CNTLN: variants seen among roughly 807,000 people sequenced by gnomAD.
The protein encoded by CNTLN is centlein, centrosomal protein.
Under a neutral mutation model 180.0 loss-of-function variants are expected in CNTLN, and 212 were observed. That is an observed-to-expected ratio of 1.18 (90% confidence interval 1.05 to 1.32). The LOEUF (loss-of-function observed/expected upper bound fraction) is 1.32, where lower values mean the gene tolerates loss of function less well. Ranked by LOEUF, CNTLN falls within the 40% of genes most tolerant of loss-of-function variation. The probability of loss-of-function intolerance (pLI) is 0.00; values close to 1 mark genes in which losing one functional copy is unlikely to be tolerated. For synonymous variants in CNTLN, 722 were observed against 563.1 expected (o/e 1.28, Z -3.99); for missense variants, 2,095 against 1,610.9 (o/e 1.30, Z -5.14).
chr9:17,306,629 G>A lies in CNTLN; in HGVS notation c.1147-2429G>A, dbSNP rs149618005. Among the ~76,000 whole-genome samples, 284 of 152,264 alleles carry A rather than the reference G, an allele frequency of 1.9e-3. 1 individual carries two copies. The highest frequency in any genetic ancestry group is 6.6e-3 in the African/African-American group (275 of 41,542). On this transcript the variant is annotated intron_variant, in intron 7 of 25. Coordinates refer to ENST00000380647, the MANE Select transcript of CNTLN (RefSeq NM_017738.4). ...ACTAGTGGCCAGTAAATTGGTCCTCGATCCTGACCATACCCTAGCATCATG... is the reference window on the plus strand; with the variant it reads ...ACTAGTGGCCAGTAAATTGGTCCTCAATCCTGACCATACCCTAGCATCATG...
chr9:17,222,541 C>G (rs80131437), intron 2 of CNTLN, among the ~76,000 whole-genome samples: 1 of 151,948 alleles, frequency 6.6e-6, no homozygotes, highest in African/African-American at 2.4e-5. Flanking sequence ...TTGCATCTTC[C>G]TCATTTTCTC....
chr9:17,382,585 T>G (rs113571037), intron 13 of CNTLN, among the ~76,000 whole-genome samples: 12 of 152,370 alleles, frequency 7.9e-5, no homozygotes, highest in African/African-American at 2.9e-4. Flanking sequence ...GCACAGTCAT[T>G]AATCTGTTGA....
intron 2 of CNTLN, among the ~76,000 whole-genome samples, chr9:17,154,707 G>A (rs1703409010): frequency 6.6e-6 from 1 of 152,158 alleles, no homozygotes; most frequent in African/African-American, 2.4e-5. Context: ...CTAAAGGTTT[G>A]TAAATGCACC....
chr9:17,388,942 G>T (rs569066048), intron 14 of CNTLN, among the ~76,000 whole-genome samples: 2 of 151,832 alleles, frequency 1.3e-5, no homozygotes, highest in African/African-American at 2.4e-5. Context: ...TTAACACTTT[G>T]TTATAAAGAA....
At chr9:17,273,623 A>G (rs1404795184) in intron 5 of CNTLN, 110 bp from the exon 6 acceptor site, 6 of 561,866 alleles carry the variant, frequency 1.1e-5, no homozygotes, top group South Asian at 6.3e-5. Context: ...AAGTGAAAAA[A>G]TTAAAACTAT....
At chr9:17,359,339 A>C (rs927557319) in intron 12 of CNTLN, among the ~76,000 whole-genome samples, 4 of 152,078 alleles carry the variant, frequency 2.6e-5, no homozygotes, top group African/African-American at 9.7e-5. Flanking sequence ...ACCAGGCATA[A>C]AAAGCACTAA....
the CNTLN span, among the ~76,000 whole-genome samples, chr9:17,519,244 G>GTTTT: frequency 7.7e-5 from 11 of 143,522 alleles, no homozygotes; most frequent in African/African-American, 1.8e-4. Flanking sequence ...AGATTTGAGT[G>GTTTT]TTTTTTTTTT....
chr9:17,165,404 T>C (rs1819999563), intron 2 of CNTLN, among the ~76,000 whole-genome samples: 1 of 152,164 alleles, frequency 6.6e-6, no homozygotes, highest in African/African-American at 2.4e-5. Flanking sequence ...TGACAGATGT[T>C]AGTAAATTCT....
At chr9:17,361,537 A>G (rs1375345398) in intron 12 of CNTLN, among the ~76,000 whole-genome samples, 1 of 152,240 alleles carries the variant, frequency 6.6e-6, no homozygotes, top group Non-Finnish European at 1.5e-5. Flanking sequence ...ATGCAAAAAA[A>G]GAAATAAAGA....
rs578136500 is a variant in CNTLN, at chr9:17,217,491, C to G, written c.450-8712C>G. On this transcript the variant is annotated intron_variant, in intron 2 of 25. Coordinates refer to ENST00000380647, the MANE Select transcript of CNTLN (RefSeq NM_017738.4). ...GTGTTGTACCAACTGGATGGCTGCT[C>G]AGGACACAGTTTGAAATGCAAGGTG... is the stretch of plus-strand genomic sequence containing the variant. Among the ~76,000 whole-genome samples, 4 of 152,336 alleles carry G rather than the reference C, an allele frequency of 2.6e-5. No homozygotes were observed. In the South Asian group the frequency reaches 8.3e-4, roughly 32 times the overall value.
At chr9:17,360,204 A>G (rs1823256510) in intron 12 of CNTLN, among the ~76,000 whole-genome samples, 1 of 152,228 alleles carries the variant, frequency 6.6e-6, no homozygotes, top group Non-Finnish European at 1.5e-5. Flanking sequence ...ACTGTTTAGA[A>G]GCATTATAGA....
At chr9:17,390,579 T>A (rs544190190) in intron 14 of CNTLN, among the ~76,000 whole-genome samples, 214 of 152,284 alleles carry the variant, frequency 1.4e-3, no homozygotes, top group African/African-American at 4.9e-3. Context: ...TTATTTTAAA[T>A]GTTCAGAACT....
At chr9:17,373,078 A>G (rs1183418219) in intron 13 of CNTLN, among the ~76,000 whole-genome samples, 1 of 152,176 alleles carries the variant, frequency 6.6e-6, no homozygotes, top group Non-Finnish European at 1.5e-5. Flanking sequence ...GAACGTGACC[A>G]TGATGCCTAC....
At chr9:17,248,295 C>A (rs1825924990) in intron 5 of CNTLN, among the ~76,000 whole-genome samples, 1 of 151,860 alleles carries the variant, frequency 6.6e-6, no homozygotes, top group Non-Finnish European at 1.5e-5. Flanking sequence ...GTTGTTATAA[C>A]AGTTTTAGAG....
chr9:17,511,648 T>TCTCACACA, the CNTLN span, among the ~76,000 whole-genome samples: 170 of 146,672 alleles, frequency 1.2e-3, no homozygotes, highest in African/African-American at 2.3e-3. Flanking sequence ...TCTCTCTCTC[T>TCTCACACA]CACACACACA....
intron 22 of CNTLN, 129 bp from the exon 23 acceptor site, chr9:17,466,577 T>G (rs1831762939): frequency 4.3e-6 from 3 of 700,758 alleles, no homozygotes; most frequent in Admixed American, 6.7e-5. Context: ...AAAATAATCA[T>G]TAATTTTACC....
chr9:17,308,092 A>G (rs1025455893), intron 7 of CNTLN, among the ~76,000 whole-genome samples: 2 of 151,984 alleles, frequency 1.3e-5, no homozygotes, highest in Admixed American at 1.3e-4. Flanking sequence ...ATCAACTACC[A>G]GAGATTGGAT....
At position 17,298,366 on chromosome 9, in the gene CNTLN, C is replaced by T. The variant is rs1818100839; in HGVS notation, c.1146+14C>T. The T allele has an allele frequency of 6.2e-7, 1 of 1,600,878 alleles. No homozygotes were observed. The highest frequency in any genetic ancestry group is 1.1e-5 in the South Asian group (1 of 88,362). ...TCATATCAAAAAGTATGCTTTTATTCTGTAATAAAGATGTAAATGTTTATG... is the reference window on the plus strand; with the variant it reads ...TCATATCAAAAAGTATGCTTTTATTTTGTAATAAAGATGTAAATGTTTATG... On this transcript the variant is annotated intron_variant, in intron 7 of 25. Transcript: ENST00000380647.
intron 2 of CNTLN, among the ~76,000 whole-genome samples, chr9:17,155,477 A>G (rs1819211363): frequency 6.6e-6 from 1 of 152,184 alleles, no homozygotes; most frequent in African/African-American, 2.4e-5. Context: ...GAGAGGAGCA[A>G]TCTGGCAGTC....
Sources: allele counts gnomAD v4.1 joint callset (sites outside exome capture counted in the v4.1 genomes callset), GRCh38; gene constraint gnomAD v4.1.1; transcripts MANE v1.5; gene names NCBI Gene and HGNC (gene_info 2026-07-23, HGNC 2026-07-21).